TENM2: variants seen among roughly 807,000 people sequenced by gnomAD.
TENM2 encodes teneurin-2.
Under a neutral mutation model 245.2 loss-of-function variants are expected in TENM2, and 52 were observed. The observed-to-expected ratio is 0.21, with a 90% CI of 0.17 to 0.27. The LOEUF (loss-of-function observed/expected upper bound fraction) is 0.27, where lower values mean the gene tolerates loss of function less well. TENM2 is among the 10% of genes least tolerant of loss of function. The probability of loss-of-function intolerance (pLI) is 1.00; values close to 1 mark genes in which losing one functional copy is unlikely to be tolerated. For missense variants in TENM2, 3,046 were observed against 3,666.8 expected (o/e 0.83, Z 4.37); for synonymous variants, 1,363 against 1,438.9 (o/e 0.95, Z 1.19).
chr5:167,440,876 GGCAGC>G (rs10565680), intron 2 of TENM2, among the ~76,000 whole-genome samples: 146,738 of 151,974 alleles, frequency 0.97, 71,029 homozygotes, highest in East Asian at 1. Context: ...AGATTAGAAA[GGCAGC>G]GCAGCACTGT....
chr5:167,139,320 T>C, the TENM2 span, among the ~76,000 whole-genome samples: 1 of 152,236 alleles, frequency 6.6e-6, no homozygotes, highest in African/African-American at 2.4e-5. Context: ...AGAATTAAAA[T>C]GGATAATTTT....
chr5:167,359,002 T>A (rs1327616102), intron 1 of TENM2, among the ~76,000 whole-genome samples: 1 of 152,118 alleles, frequency 6.6e-6, no homozygotes, highest in Non-Finnish European at 1.5e-5. Flanking sequence ...ACCCCGACAC[T>A]CTTTCCATCC....
At chr5:167,043,506 G>A in the TENM2 span, among the ~76,000 whole-genome samples, 1 of 152,102 alleles carries the variant, frequency 6.6e-6, no homozygotes, top group Admixed American at 6.5e-5. Context: ...TAAAAATTGG[G>A]TGTGCAGATA....
the TENM2 span, among the ~76,000 whole-genome samples, chr5:167,230,655 T>C: frequency 6.6e-6 from 1 of 152,140 alleles, no homozygotes; most frequent in Non-Finnish European, 1.5e-5. Context: ...ATTTTAGAGA[T>C]AGGATGGAGC....
In TENM2 at chr5:167,553,337, G is replaced by C. The variant is rs985026034; in HGVS notation, c.502+177864G>C. Among the ~76,000 whole-genome samples the C allele has an allele frequency of 2.0e-5, 3 of 152,318 alleles. No individual in the cohort carries two copies. The South Asian group carries it at 6.2e-4, about 32-fold the overall frequency. On this transcript the variant is annotated intron_variant, in intron 2 of 28. Coordinates refer to ENST00000518659, the Ensembl canonical transcript of TENM2. Reference sequence around the variant, plus strand: ...GAGGAGGGTAGTATAAATGGGGCTGGAGGGGCAGCAGGACCTAAACTTTTG... The same window carrying C: ...GAGGAGGGTAGTATAAATGGGGCTGCAGGGGCAGCAGGACCTAAACTTTTG...
chr5:167,381,820 G>C (rs543980709), intron 2 of TENM2, among the ~76,000 whole-genome samples: 4 of 152,168 alleles, frequency 2.6e-5, no homozygotes, highest in African/African-American at 9.7e-5. Flanking sequence ...TTCAGAGCTA[G>C]AATGTTACTT....
the TENM2 span, among the ~76,000 whole-genome samples, chr5:167,220,770 C>G: frequency 5.3e-5 from 8 of 152,018 alleles, no homozygotes; most frequent in African/African-American, 1.7e-4. Context: ...AATAAATAAA[C>G]AAGTGAATAA....
intron 2 of TENM2, among the ~76,000 whole-genome samples, chr5:167,604,212 A>G (rs1776859631): frequency 6.6e-6 from 1 of 152,216 alleles, no homozygotes; most frequent in African/African-American, 2.4e-5. Flanking sequence ...TACATAGGAG[A>G]TAATCAGAAA....
chr5:168,051,300 C>T (rs1338648184), intron 6 of TENM2, among the ~76,000 whole-genome samples: 1 of 152,054 alleles, frequency 6.6e-6, no homozygotes, highest in Non-Finnish European at 1.5e-5. Flanking sequence ...CAAATCTGGC[C>T]AGCTGCCTGT....
At chr5:167,086,548 A>C in the TENM2 span, among the ~76,000 whole-genome samples, 1 of 152,174 alleles carries the variant, frequency 6.6e-6, no homozygotes, top group African/African-American at 2.4e-5. Flanking sequence ...CATAGGAGCC[A>C]GCTGCTAAGT....
chr5:167,076,922 C>A, the TENM2 span, among the ~76,000 whole-genome samples: 1 of 152,112 alleles, frequency 6.6e-6, no homozygotes, highest in Non-Finnish European at 1.5e-5. Context: ...CTCACTGCAA[C>A]CTTCATTTCC....
chr5:168,025,877 C>T (rs1204759421), intron 5 of TENM2, among the ~76,000 whole-genome samples: 1 of 152,136 alleles, frequency 6.6e-6, no homozygotes, highest in South Asian at 2.1e-4. Flanking sequence ...TTGGCCAGTG[C>T]GTCCTGAGGT....
At chr5:167,861,262 G>T (rs1771776798) in intron 2 of TENM2, among the ~76,000 whole-genome samples, 1 of 152,120 alleles carries the variant, frequency 6.6e-6, no homozygotes, top group Non-Finnish European at 1.5e-5. Flanking sequence ...CAGGGTTGTA[G>T]GGGGTGGAAG....
At chr5:167,321,885 G>T (rs564995446) in intron 1 of TENM2, among the ~76,000 whole-genome samples, 118 of 144,296 alleles carry the variant, frequency 8.2e-4, no homozygotes, top group South Asian at 1.8e-3. Context: ...CTCAGATCTC[G>T]GTTGCAGATC....
chr5:167,469,590 A>T (rs1348586527), intron 2 of TENM2, among the ~76,000 whole-genome samples: 1 of 152,146 alleles, frequency 6.6e-6, no homozygotes, highest in East Asian at 1.9e-4. Flanking sequence ...TTATAATGCA[A>T]GTGTTTGGTT....
the TENM2 span, among the ~76,000 whole-genome samples, chr5:167,158,846 CCCTTCCTT>C: frequency 0.048 from 4,112 of 86,024 alleles, 126 homozygotes; most frequent in East Asian, 0.074. Flanking sequence ...TCCATAGCAG[CCCTTCCTT>C]CCTTCCTTCC....
At chr5:168,194,198 T>C (rs1330005230) in intron 14 of TENM2, among the ~76,000 whole-genome samples, 3 of 152,210 alleles carry the variant, frequency 2.0e-5, no homozygotes, top group Non-Finnish European at 4.4e-5. Context: ...TCTCTTCTTT[T>C]GCCAAATTGC....
chr5:167,892,988 A>G (rs942167896), intron 3 of TENM2, among the ~76,000 whole-genome samples: 2 of 152,168 alleles, frequency 1.3e-5, no homozygotes, highest in Admixed American at 6.5e-5. Flanking sequence ...AGAACTCAGA[A>G]CCTTTGTCCT....
At chr5:167,354,693 A>T (rs1355335003) in intron 1 of TENM2, among the ~76,000 whole-genome samples, 1 of 152,234 alleles carries the variant, frequency 6.6e-6, no homozygotes, top group African/African-American at 2.4e-5. Flanking sequence ...CCTACTCGTT[A>T]TGTGGCCTTA....
Sources: gnomAD v4.1 joint callset for allele counts (sites outside exome capture counted in the v4.1 genomes callset) on GRCh38, gnomAD v4.1.1 for gene constraint, MANE v1.5 for transcripts, NCBI Gene and HGNC (gene_info 2026-07-23, HGNC 2026-07-21) for gene names.